The following SNX25 variants were observed in gnomAD, a reference collection of about 807,000 sequenced individuals.
The protein encoded by SNX25 is sorting nexin 25.
In SNX25, 62 loss-of-function variants were observed where a neutral mutation model predicts 113.7. The ratio of observed to expected loss-of-function variants is 0.55; its 90% confidence interval spans 0.44 to 0.67. The LOEUF (loss-of-function observed/expected upper bound fraction) is 0.67. Ranked by LOEUF, SNX25 falls within the 30% of genes least tolerant of loss-of-function variation. The pLI is 0.00. For synonymous variants in SNX25, 421 were observed against 436.2 expected (o/e 0.97, Z 0.43); for missense variants, 1,014 against 1,161.0 (o/e 0.87, Z 1.84).
chr4:185,238,043 A>G (rs1742925864), intron 1 of SNX25, among the ~76,000 whole-genome samples: 1 of 143,972 alleles, frequency 6.9e-6, no homozygotes, highest in South Asian at 2.3e-4. Context: ...AGTCTGGGCT[A>G]CAGAGCGAGA....
At chr4:185,243,192 T>C (rs1560927591) in intron 1 of SNX25, among the ~76,000 whole-genome samples, 2 of 152,214 alleles carry the variant, frequency 1.3e-5, no homozygotes, top group South Asian at 4.1e-4. Context: ...TTTATTATGG[T>C]AAAATACTTA....
chr4:185,233,030 T>C (rs932371464), intron 1 of SNX25, among the ~76,000 whole-genome samples: 1 of 152,190 alleles, frequency 6.6e-6, no homozygotes, highest in Admixed American at 6.5e-5. Context: ...ACACCTGTTA[T>C]GCTAGCACTT....
intron 2 of SNX25, among the ~76,000 whole-genome samples, chr4:185,251,754 G>C (rs1453697278): frequency 6.6e-6 from 1 of 151,778 alleles, no homozygotes; most frequent in South Asian, 2.1e-4. Context: ...TGAAGACTTA[G>C]AAATTTCTCT....
At chr4:185,222,051 TATAC>T (rs1739976675) in intron 1 of SNX25, among the ~76,000 whole-genome samples, 1 of 24,846 alleles carries the variant, frequency 4.0e-5, no homozygotes, top group Non-Finnish European at 1.1e-4. Flanking sequence ...TACAGCACCA[TATAC>T]CCCTCCTTCA....
intron 16 of SNX25, 67 bp downstream of exon 16, chr4:185,357,804 T>C (rs2095345606): frequency 7.9e-7 from 1 of 1,272,560 alleles, no homozygotes; most frequent in African/African-American, 1.5e-5. Context: ...CAAATTACCT[T>C]ATGATCTAGC....
chr4:185,240,318 G>C (rs1045413001), intron 1 of SNX25, among the ~76,000 whole-genome samples: 2 of 151,746 alleles, frequency 1.3e-5, no homozygotes, highest in African/African-American at 4.8e-5. Flanking sequence ...GGGCAGAGGG[G>C]CTCCTCACTT....
intron 12 of SNX25, among the ~76,000 whole-genome samples, chr4:185,345,042 A>G (rs1379802715): frequency 6.6e-6 from 1 of 152,208 alleles, no homozygotes; most frequent in Non-Finnish European, 1.5e-5. Context: ...CAGGAGGAAA[A>G]AGAGTTGAGG....
intron 11 of SNX25, among the ~76,000 whole-genome samples, 188 bp from the exon 12 acceptor site, chr4:185,341,788 A>G (rs1194180324): frequency 6.6e-6 from 1 of 152,154 alleles, no homozygotes; most frequent in East Asian, 1.9e-4. Context: ...AAATCCCCCT[A>G]TTTTAGTCTA....
At chr4:185,234,138 G>A (rs1340658247) in intron 1 of SNX25, among the ~76,000 whole-genome samples, 1 of 152,108 alleles carries the variant, frequency 6.6e-6, no homozygotes, top group Admixed American at 6.5e-5. Context: ...GTTTACAGGT[G>A]TGAGCCACCA....
intron 1 of SNX25, among the ~76,000 whole-genome samples, chr4:185,246,590 G>A (rs77886092): frequency 6.6e-6 from 1 of 151,852 alleles, no homozygotes; most frequent in Non-Finnish European, 1.5e-5. Flanking sequence ...CTTATTTTTG[G>A]AGTCTCTGTA....
chr4:185,207,519 A>G (rs756964410), upstream of SNX25, among the ~76,000 whole-genome samples: 2 of 152,038 alleles, frequency 1.3e-5, no homozygotes, highest in African/African-American at 2.4e-5. Flanking sequence ...CGCCTGGCCA[A>G]CTATCCACTT....
At chr4:185,373,109 T>G (rs1040987210), downstream of SNX25, 30 of 1,567,762 alleles carry the variant, frequency 1.9e-5, no homozygotes, top group Non-Finnish European at 2.6e-5. Context: ...ATCATTGTAT[T>G]TGTGATCCAC....
chr4:185,308,751 A>T (rs1754841859), intron 6 of SNX25, among the ~76,000 whole-genome samples: 1 of 151,282 alleles, frequency 6.6e-6, no homozygotes, highest in South Asian at 2.1e-4. Context: ...CTTCCCCCTT[A>T]CTCTTAAGAG....
At chr4:185,333,841 T>G (rs1356882939) in intron 10 of SNX25, among the ~76,000 whole-genome samples, 1 of 151,442 alleles carries the variant, frequency 6.6e-6, no homozygotes, top group Admixed American at 6.6e-5. Context: ...CCCAGGAGTT[T>G]GAGACCAGCC....
At chr4:185,240,345 G>C (rs557417598) in intron 1 of SNX25, among the ~76,000 whole-genome samples, 1 of 151,496 alleles carries the variant, frequency 6.6e-6, no homozygotes, top group Non-Finnish European at 1.5e-5. Flanking sequence ...AGGGGCGGCC[G>C]GGCAGAGGCG....
At chr4:185,283,078 C>G (rs1166149051) in intron 5 of SNX25, among the ~76,000 whole-genome samples, 1 of 152,122 alleles carries the variant, frequency 6.6e-6, no homozygotes, top group Non-Finnish European at 1.5e-5. Context: ...CTTCAGATGC[C>G]CACTATGTGC....
Position 185,363,674 on chromosome 4 carries a change from A to C in SNX25, c.*209A>C. 1 of 446,922 alleles carries C rather than the reference A, an allele frequency of 2.2e-6. No homozygotes were observed. Among genetic ancestry groups the C allele is most frequent in the Non-Finnish European group, 4.0e-6 (1 of 249,516 alleles). The allele number at this position is 446,922 out of a possible 1,614,324, so 27.7% of individuals were successfully genotyped here. A position where few individuals can be genotyped will look rare whatever the true frequency, so the allele number is the denominator to read the frequency against. On this transcript the variant is annotated 3_prime_UTR_variant, in exon 19 of 19. Coordinates refer to ENST00000652585, the MANE Select transcript of SNX25 (RefSeq NM_001378034.2). This position sits in a 1 kb window ranked among gnomAD's most constrained non-coding sequence, Gnocchi z 4.2. ...AAAAACTTCTATTGATTTTAATTTA[A>C]TATGAATACTTTAAAGATCAACATA...
At chr4:185,320,702 T>A (rs1017796380) in intron 7 of SNX25, 31 bp from the exon 8 acceptor site, 28 of 1,404,294 alleles carry the variant, frequency 2.0e-5, no homozygotes, top group Non-Finnish European at 2.4e-5. Flanking sequence ...AATTCGATTT[T>A]AAAAAAAGTT....
At chr4:185,359,520 G>A (rs572272108) in intron 16 of SNX25, among the ~76,000 whole-genome samples, 1 of 152,108 alleles carries the variant, frequency 6.6e-6, no homozygotes, top group Non-Finnish European at 1.5e-5. Flanking sequence ...AAGGCCAGGC[G>A]CGGTGGCTCA....
Sources: allele counts gnomAD v4.1 joint callset (sites outside exome capture counted in the v4.1 genomes callset), GRCh38; gene constraint gnomAD v4.1.1; non-coding constraint Gnocchi (gnomAD v3.1); transcripts MANE v1.5; gene names NCBI Gene and HGNC (gene_info 2026-07-23, HGNC 2026-07-21).